The following ARAP1 variants were observed in gnomAD, a reference collection of about 807,000 sequenced individuals.
ARAP1 encodes the protein arf-GAP with Rho-GAP domain, ANK repeat and PH domain-containing protein 1.
In ARAP1, 76 loss-of-function variants were observed where a neutral mutation model predicts 172.2. The observed-to-expected ratio is 0.44, with a 90% CI of 0.37 to 0.53. ARAP1 has a LOEUF of 0.53. ARAP1 is among the 20% of genes least tolerant of loss of function. The pLI is 0.00. For synonymous variants in ARAP1, 804 were observed against 803.3 expected (o/e 1.00, Z -0.01); for missense variants, 1,686 against 1,977.5 (o/e 0.85, Z 2.80).
At position 72,743,711 on chromosome 11, in the gene ARAP1, C is replaced by T. The variant is rs187552184; in HGVS notation, c.-128+8617G>A. Among the ~76,000 whole-genome samples the T allele has an allele frequency of 5.3e-5, 8 of 152,284 alleles. No homozygotes were observed. In the East Asian group the frequency reaches 1.3e-3, roughly 26 times the overall value. On this transcript the variant is annotated intron_variant, in intron 1 of 34. Transcript: ENST00000393609. ...GACCTCTGAGGCTGCCCCAGCACTT[C>T]CTGCTGGACCGGCCCCTTAAACACT...
Position 72,696,532 on chromosome 11 carries a change from A to C in ARAP1, c.3272+17T>G. On this transcript the variant is annotated intron_variant, in intron 23 of 34. Coordinates refer to ENST00000393609, the MANE Select transcript of ARAP1 (RefSeq NM_001040118.3). ...CATCCCATCCCCCCAGAATCTCACA[A>C]TGGTATCGTCCCTCACCAGTACAGG... is the stretch of plus-strand genomic sequence containing the variant. 3.4e-6 allele frequency: 5 copies of C among 1,491,092 alleles called. No individual in the cohort carries two copies. The highest frequency in any genetic ancestry group is 4.5e-6 in the Non-Finnish European group (5 of 1,114,136). The allele number at this position is 1,491,092 out of a possible 1,614,324, so 92.4% of individuals were successfully genotyped here. A position where few individuals can be genotyped will look rare whatever the true frequency, so the allele number is the denominator to read the frequency against.
intron 30 of ARAP1, 89 bp from the exon 31 acceptor site, chr11:72,688,626 T>C: frequency 9.1e-7 from 1 of 1,095,378 alleles, no homozygotes. Context: ...CTCTTCCAAC[T>C]CCCCAGCCCT....
rs534047271 is a variant in ARAP1, at chr11:72,710,090, G to C, written c.1417-114C>G. ...CTCAGGGACTGGGGGGGGTGCCCAG[G>C]AGGGAGACAGCAGGGGACATGGGAG... is the stretch of plus-strand genomic sequence containing the variant. On this transcript the variant is annotated intron_variant, in intron 10 of 34. Transcript: ENST00000393609. The surrounding 1 kb of genome is among the most constrained non-coding windows in gnomAD (Gnocchi z 4.3). 28 of 970,670 alleles carry C rather than the reference G, an allele frequency of 2.9e-5. 1 individual carries two copies. In the South Asian group the frequency reaches 3.1e-4, roughly 11 times the overall value. The allele number at this position is 970,670 out of a possible 1,614,324, so 60.1% of individuals were successfully genotyped here.
intron 22 of ARAP1, 82 bp downstream of exon 22, chr11:72,696,901 G>C (rs1295686936): frequency 4.2e-6 from 6 of 1,415,222 alleles, no homozygotes; most frequent in Admixed American, 4.1e-5. Flanking sequence ...TAAGCCTAGT[G>C]CAAGTGCCAC....
rs1381082630 is a variant in ARAP1, at chr11:72,697,969, A to G, written c.2679T>C (p.Ala893=). Residue 893 remains alanine, a synonymous_variant, in exon 19 of 35, where the codon GCT becomes GCC. Transcript: ENST00000393609. ...CTTCGCAGGGCCCCTCCGGGAAGAC[A>G]GCACGGAGCTCCGAGCCACTGAGAG... ...WFSLSGSELR[A]VFPEGPCEEP... is the part of the protein sequence containing the mutation. 6.2e-7 allele frequency: 1 copy of G among 1,611,990 alleles called. No individual in the cohort carries two copies. The highest frequency in any genetic ancestry group is 1.7e-5 in the Admixed American group (1 of 59,784).
chr11:72,694,060 C>G (rs1856060655), intron 27 of ARAP1, among the ~76,000 whole-genome samples: 1 of 136,108 alleles, frequency 7.3e-6, no homozygotes, highest in South Asian at 2.6e-4. Context: ...TGCCTCCCAT[C>G]CCACCCTCCC....
At position 72,695,219 on chromosome 11, in the gene ARAP1, G is replaced by C. The variant is rs181194864; in HGVS notation, c.3577-122C>G. The stretch of plus-strand genomic sequence containing the variant: ...GGCCCTTCTGGAGTCCTGGGATAGA[G>C]AGGGGTATTTCTGAGTGGTCCTTAG... On this transcript the variant is annotated intron_variant, in intron 26 of 34. Transcript: ENST00000393609. This position sits in a 1 kb window ranked among gnomAD's most constrained non-coding sequence, Gnocchi z 4.4. 7.5e-7 allele frequency: 1 copy of C among 1,336,796 alleles called. No homozygotes were observed. Among genetic ancestry groups the C allele is most frequent in the East Asian group, 2.3e-5 (1 of 43,246 alleles). 82.8% of individuals were successfully genotyped at this position (1,336,796 alleles called of 1,614,324 possible).
At chr11:72,746,180 C>T (rs1004040345) in intron 1 of ARAP1, among the ~76,000 whole-genome samples, 3 of 152,130 alleles carry the variant, frequency 2.0e-5, no homozygotes, top group African/African-American at 4.8e-5. Context: ...CTAGTGTCCA[C>T]GGGAACAGCC....
chr11:72,726,667 G>A lies in ARAP1; in HGVS notation c.462C>T (p.Ser154=), dbSNP rs377275708. ...CGGTGCGGGGCGGCACGGGTGGAAC[G>A]CTCAGCTCTGCCAAATGCCGCTTAG... The part of the protein sequence containing the change: ...LPAKRHLAEL[S]VPPVPPRTGP... The change falls in exon 3 of 35, where the codon AGC becomes AGT. Residue 154 remains serine, a synonymous_variant. Coordinates refer to ENST00000393609, the MANE Select transcript of ARAP1 (RefSeq NM_001040118.3). The surrounding 1 kb of genome is among the most constrained non-coding windows in gnomAD (Gnocchi z 6.5). 50 of 1,542,838 alleles carry A rather than the reference G, an allele frequency of 3.2e-5. No individual in the cohort carries two copies. Among genetic ancestry groups the A allele is most frequent in the Middle Eastern group, 4.3e-4 (2 of 4,632 alleles).
chr11:72,712,614 G>A (rs1486623778), intron 5 of ARAP1, 46 bp from the exon 6 acceptor site: 2 of 1,607,836 alleles, frequency 1.2e-6, no homozygotes, highest in African/African-American at 1.3e-5. Context: ...TCAAGCCACA[G>A]ATCACACCCA....
At chr11:72,688,402 T>G in intron 31 of ARAP1, 53 bp downstream of exon 31, 1 of 1,533,680 alleles carries the variant, frequency 6.5e-7, no homozygotes, top group Non-Finnish European at 9.0e-7. Flanking sequence ...CCCCATCAGT[T>G]CTGAGCCCCC....
intron 15 of ARAP1, among the ~76,000 whole-genome samples, chr11:72,702,217 G>A (rs1394849839): frequency 2.0e-5 from 3 of 152,330 alleles, no homozygotes; most frequent in Non-Finnish European, 2.9e-5. Context: ...GGGGGGCGGT[G>A]ATCTGTCCCC....
At chr11:72,692,676 T>A (rs1279326843) in intron 30 of ARAP1, 77 bp downstream of exon 30, 1 of 1,579,884 alleles carries the variant, frequency 6.3e-7, no homozygotes, top group Non-Finnish European at 8.7e-7. Context: ...GCCCTGGCTG[T>A]CTCCCCATGC....
chr11:72,725,322 TTC>T lies in ARAP1; in HGVS notation c.509+1296_509+1297del, dbSNP rs991012296. Among the ~76,000 whole-genome samples the T allele has an allele frequency of 2.0e-5, 3 of 150,694 alleles. No individual in the cohort carries two copies. Among genetic ancestry groups the T allele is most frequent in the Admixed American group, 6.6e-5 (1 of 15,146 alleles). On this transcript the variant is annotated intron_variant, in intron 3 of 34. Coordinates refer to ENST00000393609, the MANE Select transcript of ARAP1 (RefSeq NM_001040118.3). The surrounding 1 kb of genome is among the most constrained non-coding windows in gnomAD (Gnocchi z 4.3). ...TCTCTCTCTCTCTCTCTCTCTCTTT[TTC>T]TCTCTCTCTCTCCCCCCCACAAGCT...
At chr11:72,696,330 G>A (rs1591179557) in intron 23 of ARAP1, among the ~76,000 whole-genome samples, 2 of 152,214 alleles carry the variant, frequency 1.3e-5, no homozygotes, top group African/African-American at 2.4e-5. Flanking sequence ...CTCACCTCCT[G>A]CTGTGCAGCC....
chr11:72,707,300 G>C lies in ARAP1; in HGVS notation c.1598C>G (p.Ser533Cys). Residue 533 changes from serine (S) to cysteine (C), a missense_variant, in exon 12 of 35, where the codon TCT (serine) becomes TGT (cysteine). By Grantham distance (112) the Ser-to-Cys change is moderately radical. Coordinates refer to ENST00000393609, the MANE Select transcript of ARAP1 (RefSeq NM_001040118.3). ...GATGCGCTCGGCCACCTCCGAGGTA[G>C]ACAGGGCCTCAGCGATGGCTCCCTG... ...AMQGAIAEAL[S>C]TSEVAERIWA... is the part of the protein sequence containing the mutation. 6.2e-7 allele frequency: 1 copy of C among 1,613,826 alleles called. No individual in the cohort carries two copies. Among genetic ancestry groups the C allele is most frequent in the African/African-American group, 1.3e-5 (1 of 75,062 alleles).
chr11:72,688,022 T>C (rs181694856), intron 31 of ARAP1, among the ~76,000 whole-genome samples: 1 of 151,810 alleles, frequency 6.6e-6, no homozygotes, highest in Admixed American at 6.6e-5. Context: ...TTTTTTGAGA[T>C]AGGCTCTCAC....
At chr11:72,688,658 G>T in intron 30 of ARAP1, 121 bp from the exon 31 acceptor site, 1 of 801,090 alleles carries the variant, frequency 1.2e-6, no homozygotes, top group Non-Finnish European at 2.0e-6. Flanking sequence ...AGCACAGGGC[G>T]CCTCCTCCAA....
chr11:72,750,446 C>A (rs1244329053), intron 1 of ARAP1, among the ~76,000 whole-genome samples: 1 of 152,168 alleles, frequency 6.6e-6, no homozygotes, highest in Non-Finnish European at 1.5e-5. Flanking sequence ...CCAGCCGATG[C>A]CCTAGGCCTG....
Sources: gnomAD v4.1 joint callset for allele counts (sites outside exome capture counted in the v4.1 genomes callset) on GRCh38, gnomAD v4.1.1 for gene constraint, Gnocchi (gnomAD v3.1) non-coding constraint, MANE v1.5 for transcripts, NCBI Gene and HGNC (gene_info 2026-07-23, HGNC 2026-07-21) for gene names.